WDR44: variants seen among roughly 807,000 people sequenced by gnomAD.
WDR44 encodes WD repeat-containing protein 44.
A neutral mutation model predicts 65.7 loss-of-function variants in WDR44; 9 were observed. That is an observed-to-expected ratio of 0.14 (90% CI 0.08 to 0.24). The LOEUF (loss-of-function observed/expected upper bound fraction) is 0.24. Ranked by LOEUF, WDR44 falls within the 10% of genes least tolerant of loss-of-function variation. The pLI is 1.00. For missense variants in WDR44, 425 were observed against 670.9 expected (o/e 0.63, Z 4.05); for synonymous variants, 220 against 235.2 (o/e 0.94, Z 0.59).
At chrX:118,409,738 T>C in intron 11 of WDR44, 111 bp downstream of exon 11, 1 of 801,112 alleles carries the variant, frequency 1.2e-6, no homozygotes, top group Non-Finnish European at 1.7e-6. Context: ...CTTATGATAA[T>C]AGCCAAAAAC....
intron 12 of WDR44, among the ~76,000 whole-genome samples, chrX:118,420,947 A>C (rs994868794): frequency 8.9e-6 from 1 of 112,070 alleles, no homozygotes; most frequent in Non-Finnish European, 1.9e-5. Flanking sequence ...TGTACTTCAC[A>C]GATTTTAGTA....
intron 12 of WDR44, among the ~76,000 whole-genome samples, chrX:118,418,040 G>GT (rs1039437268): frequency 2.7e-5 from 3 of 110,536 alleles, no homozygotes; most frequent in Admixed American, 9.7e-5. Flanking sequence ...AGTTTTTATT[G>GT]TTTTTTTTCT....
chrX:118,429,149 C>T (rs2057184817), intron 12 of WDR44, among the ~76,000 whole-genome samples: 1 of 110,843 alleles, frequency 9.0e-6, no homozygotes. Flanking sequence ...ACCACCCTGG[C>T]ACACGTTTAT....
chrX:118,439,061 C>T lies in WDR44; in HGVS notation c.1974+2237C>T, dbSNP rs2057280720. Among the ~76,000 whole-genome samples the T allele has an allele frequency of 4.6e-5, 5 of 108,204 alleles. No individual in the cohort carries two copies. In the South Asian group the frequency reaches 2.1e-3, roughly 46 times the overall value. 94.0% of individuals were successfully genotyped at this position (108,204 alleles called of 115,157 possible). Reference sequence around the variant, plus strand: ...TCAGCCTCACAAAGTGCTGGAATTACAGACGTGAGCCACTGCGCCTGGCCC... The same window carrying T: ...TCAGCCTCACAAAGTGCTGGAATTATAGACGTGAGCCACTGCGCCTGGCCC... On this transcript the variant is annotated intron_variant, in intron 14 of 19. Transcript: ENST00000254029.
intron 1 of WDR44, among the ~76,000 whole-genome samples, chrX:118,350,102 C>A (rs1377240904): frequency 1.8e-5 from 2 of 111,754 alleles, no homozygotes; most frequent in Admixed American, 9.5e-5. Context: ...GCAGCCTAAA[C>A]TTTTTTGTTC....
At chrX:118,434,911 A>G (rs1325303770) in intron 13 of WDR44, among the ~76,000 whole-genome samples, 2 of 111,654 alleles carry the variant, frequency 1.8e-5, no homozygotes, top group Admixed American at 9.6e-5. Context: ...AATTCTTACA[A>G]TAACAACCCC....
At chrX:118,447,134 A>C (rs1310821850) in intron 19 of WDR44, 1 of 315,407 alleles carries the variant, frequency 3.2e-6, no homozygotes, top group Non-Finnish European at 6.1e-6. Context: ...ACTTTGGCCA[A>C]AGTACTGGGA....
At chrX:118,376,023 T>A (rs963661114) in intron 1 of WDR44, among the ~76,000 whole-genome samples, 1 of 111,776 alleles carries the variant, frequency 8.9e-6, no homozygotes, top group Non-Finnish European at 1.9e-5. Flanking sequence ...TCATGGCTCA[T>A]GGCTCCTGGG....
intron 1 of WDR44, among the ~76,000 whole-genome samples, chrX:118,355,553 A>G (rs2056451439): frequency 1.8e-5 from 2 of 112,126 alleles, no homozygotes; most frequent in Non-Finnish European, 3.8e-5. Context: ...GCTTGGCTTA[A>G]GGGTTAAGGT....
intron 12 of WDR44, among the ~76,000 whole-genome samples, chrX:118,425,051 A>G: frequency 9.0e-6 from 1 of 111,538 alleles, no homozygotes; most frequent in Middle Eastern, 4.6e-3. Context: ...AGGTAAGGAA[A>G]TGATCATATG....
intron 1 of WDR44, among the ~76,000 whole-genome samples, chrX:118,375,515 CAAAA>C (rs3048529): frequency 0.2 from 12,488 of 61,948 alleles, 729 homozygotes; most frequent in Admixed American, 0.39. Context: ...GACCCCATCT[CAAAA>C]AAAAAAAAAA....
chrX:118,447,697 A>T (rs184489599), intron 19 of WDR44, among the ~76,000 whole-genome samples: 62 of 108,983 alleles, frequency 5.7e-4, no homozygotes, highest in African/African-American at 1.9e-3. Flanking sequence ...ACCAGCCTGG[A>T]CAACATAGCA....
intron 16 of WDR44, 84 bp downstream of exon 16, chrX:118,442,429 C>A: frequency 1.0e-6 from 1 of 977,210 alleles, no homozygotes; most frequent in Non-Finnish European, 1.4e-6. Context: ...AAAATGTATT[C>A]TCTTTGTTGT....
chrX:118,432,726 A>G (rs1239426410), intron 12 of WDR44, 55 bp from the exon 13 acceptor site: 1 of 1,015,988 alleles, frequency 9.8e-7, no homozygotes, highest in Non-Finnish European at 1.4e-6. Context: ...GGGTGGGAAG[A>G]ATGTGAAACT....
At chrX:118,354,529 A>G (rs1246798777) in intron 1 of WDR44, among the ~76,000 whole-genome samples, 1 of 111,642 alleles carries the variant, frequency 9.0e-6, no homozygotes, top group Non-Finnish European at 1.9e-5. Context: ...CCTGATCTTT[A>G]AAATTTTTCA....
intron 1 of WDR44, among the ~76,000 whole-genome samples, chrX:118,369,793 G>A (rs1021870700): frequency 1.8e-5 from 2 of 111,994 alleles, no homozygotes; most frequent in East Asian, 5.5e-4. Context: ...TAGAAAACAG[G>A]ATATAATGCA....
chrX:118,349,800 G>A (rs772619642), intron 1 of WDR44, among the ~76,000 whole-genome samples: 18 of 111,189 alleles, frequency 1.6e-4, no homozygotes, highest in African/African-American at 4.9e-4. Context: ...CGCCCGCCTC[G>A]GCCTCCCACA....
chrX:118,448,187 C>T (rs753546934), intron 19 of WDR44, among the ~76,000 whole-genome samples: 1 of 110,162 alleles, frequency 9.1e-6, no homozygotes, highest in African/African-American at 3.3e-5. Context: ...CTCATCCTGT[C>T]CACAACTTTC....
intron 3 of WDR44, among the ~76,000 whole-genome samples, chrX:118,391,698 AG>A (rs1212556780): frequency 8.9e-6 from 1 of 112,279 alleles, no homozygotes; most frequent in Non-Finnish European, 1.9e-5. Context: ...CATATAAGAA[AG>A]GGGGCCAGGC....
Sources: allele counts gnomAD v4.1 joint callset (sites outside exome capture counted in the v4.1 genomes callset), GRCh38; gene constraint gnomAD v4.1.1; transcripts MANE v1.5; gene names NCBI Gene and HGNC (gene_info 2026-07-23, HGNC 2026-07-21).